RPLP1: variants seen among roughly 807,000 people sequenced by gnomAD.
RPLP1 encodes ribosomal protein lateral stalk subunit P1, also known as large ribosomal subunit protein P1.
A neutral mutation model predicts 11.6 loss-of-function variants in RPLP1; 4 were observed. The ratio of observed to expected loss-of-function variants is 0.34; its 90% CI spans 0.17 to 0.79. The LOEUF (loss-of-function observed/expected upper bound fraction) is 0.79, where lower values mean the gene tolerates loss of function less well. RPLP1 is among the 30% of genes least tolerant of loss of function. RPLP1 has a pLI of 0.55. For missense variants in RPLP1, 133 were observed against 142.8 expected (o/e 0.93, Z 0.35); for synonymous variants, 54 against 52.2 (o/e 1.03, Z -0.15).
chr15:69,453,638 T>G lies in RPLP1; in HGVS notation c.73-9T>G. 1.9e-6 allele frequency: 3 copies of G among 1,613,954 alleles called. No homozygotes were observed. Among genetic ancestry groups the G allele is most frequent in the Non-Finnish European group, 2.5e-6 (3 of 1,179,858 alleles). On this transcript the variant is annotated splice_polypyrimidine_tract_variant and intron_variant, in intron 1 of 3. Transcript: ENST00000260379. The stretch of plus-strand genomic sequence containing the variant: ...CGTTTTGATGGATTGACGTTTTTAT[T>G]TGTTGTAGGAGGATAAGATCAATGC...
At chr15:69,454,948 C>T (rs1305051201) in intron 2 of RPLP1, 2 of 442,890 alleles carry the variant, frequency 4.5e-6, no homozygotes, top group Non-Finnish European at 7.5e-6. Context: ...AATGTATTTG[C>T]ATATAACCTA....
Position 69,455,595 on chromosome 15 carries a change from T to C in RPLP1, c.*88T>C. 1 of 1,019,606 alleles carries C rather than the reference T, an allele frequency of 9.8e-7. No homozygotes were observed. Among genetic ancestry groups the C allele is most frequent in the Non-Finnish European group, 1.4e-6 (1 of 695,280 alleles). 63.2% of individuals were successfully genotyped at this position (1,019,606 alleles called of 1,614,324 possible). A position where few individuals can be genotyped will look rare whatever the true frequency, so the allele number is the denominator to read the frequency against. On this transcript the variant is annotated 3_prime_UTR_variant, in exon 4 of 4. Coordinates refer to ENST00000260379, the MANE Select transcript of RPLP1 (RefSeq NM_001003.3). Reference sequence around the variant, plus strand: ...TTTGGAATGTGCTCTGCAAAAATGGTCTGTTTTGTAATGTTGGCTTTCAGC... The same window carrying C: ...TTTGGAATGTGCTCTGCAAAAATGGCCTGTTTTGTAATGTTGGCTTTCAGC...
At position 69,455,265 on chromosome 15, in the gene RPLP1, C is replaced by T; in HGVS notation, c.243C>T (p.Ala81=). ...AAGAAPAGGP[A]PSTAAAPAEE... ...GTGCTGCACCAGCAGGAGGTCCTGCCCCCTCCACTGCTGCTGCTCCAGGTA... is the reference window on the plus strand; with the variant it reads ...GTGCTGCACCAGCAGGAGGTCCTGCTCCCTCCACTGCTGCTGCTCCAGGTA... The change falls in exon 3 of 4, where the codon GCC becomes GCT. Residue 81 remains alanine, a synonymous_variant. Transcript: ENST00000260379. The T allele has an allele frequency of 3.8e-6, 6 of 1,572,650 alleles. No individual in the cohort carries two copies. The highest frequency in any genetic ancestry group is 1.4e-5 in the African/African-American group (1 of 73,112).
rs1362633813 is a variant in RPLP1, at chr15:69,452,904, A to C, written c.-45A>C. The C allele has an allele frequency of 2.0e-6, 3 of 1,538,290 alleles. No homozygotes were observed. Among genetic ancestry groups the C allele is most frequent in the Non-Finnish European group, 2.6e-6 (3 of 1,138,644 alleles). ...GGTGAGGCCCTCACTTCATCCGGCG[A>C]CTAGCACCGCGTCCGGCAGCGCCAG... On this transcript the variant is annotated 5_prime_UTR_variant, in exon 1 of 4. Coordinates refer to ENST00000260379, the MANE Select transcript of RPLP1 (RefSeq NM_001003.3).
intron 2 of RPLP1, chr15:69,453,931 C>T: frequency 3.5e-6 from 2 of 572,604 alleles, no homozygotes; most frequent in African/African-American, 1.9e-5. Context: ...TTCCCTTTTG[C>T]TCTGAAACCA....
chr15:69,454,015 A>AACC, intron 2 of RPLP1: 1 of 419,650 alleles, frequency 2.4e-6, no homozygotes. Context: ...TACGCATGTT[A>AACC]AGTTGCAAGC....
rs1214722042 is a variant in RPLP1 at position 69,452,966 on chromosome 15, G to A, written c.18G>A (p.Glu6=). The A allele has an allele frequency of 6.3e-7, 1 of 1,580,580 alleles. No homozygotes were observed. The highest frequency in any genetic ancestry group is 8.6e-7 in the Non-Finnish European group (1 of 1,165,540). The part of the protein sequence containing the change: MASVS[E]LACIYSALIL... ...CCCGCGCCATGGCCTCTGTCTCCGA[G>A]CTCGCCTGCATCTACTCGGCCCTCA... is the stretch of plus-strand genomic sequence containing the variant. The change falls in exon 1 of 4, where the codon GAG becomes GAA. Residue 6 remains glutamate, a synonymous_variant. Transcript: ENST00000260379.
intron 3 of RPLP1, 44 bp downstream of exon 3, chr15:69,455,331 T>C: frequency 6.5e-7 from 1 of 1,538,778 alleles, no homozygotes; most frequent in South Asian, 1.3e-5. Context: ...GTGTAGAGAT[T>C]TTTTAAAAAA....
In RPLP1 at chr15:69,453,946, T is replaced by C. The variant is rs899025339; in HGVS notation, c.147+225T>C. 8 of 561,162 alleles carry C rather than the reference T, an allele frequency of 1.4e-5. No individual in the cohort carries two copies. The Admixed American group carries it at 2.6e-4, about 18-fold the overall frequency. 34.8% of individuals were successfully genotyped at this position (561,162 alleles called of 1,614,324 possible). A position where few individuals can be genotyped will look rare whatever the true frequency, so the allele number is the denominator to read the frequency against. On this transcript the variant is annotated intron_variant, in intron 2 of 3. Coordinates refer to ENST00000260379, the MANE Select transcript of RPLP1 (RefSeq NM_001003.3). ...TTCCCTTTTGCTCTGAAACCATGGT[T>C]AAAAAAAATGTGAATCAGGTCATTT...
Position 69,455,707 on chromosome 15 carries a change from C to A in RPLP1, c.*200C>A, listed in dbSNP as rs995197145. 3 of 581,180 alleles carry A rather than the reference C, an allele frequency of 5.2e-6. No individual in the cohort carries two copies. Among genetic ancestry groups the A allele is most frequent in the Non-Finnish European group, 9.1e-6 (3 of 329,486 alleles). The allele number at this position is 581,180 out of a possible 1,614,324, so 36.0% of individuals were successfully genotyped here. ...CAATCCTGATGCTAACAAGAAGGCA[C>A]CTCATGGTACAGTGTTGAAAACTGC... On this transcript the variant is annotated 3_prime_UTR_variant, in exon 4 of 4. Coordinates refer to ENST00000260379, the MANE Select transcript of RPLP1 (RefSeq NM_001003.3).
At chr15:69,453,257 C>T (rs1411301307) in intron 1 of RPLP1, 2 of 585,454 alleles carry the variant, frequency 3.4e-6, no homozygotes, top group Non-Finnish European at 6.0e-6. Flanking sequence ...GCTGGGCGCT[C>T]CGGCTCCAAG....
chr15:69,453,234 G>T, intron 1 of RPLP1: 1 of 594,224 alleles, frequency 1.7e-6, no homozygotes, highest in Non-Finnish European at 3.0e-6. Context: ...AGCGGGCATG[G>T]AGTGCGCTTG....
At chr15:69,453,933 C>A in intron 2 of RPLP1, 1 of 571,112 alleles carries the variant, frequency 1.8e-6, no homozygotes, top group Admixed American at 3.2e-5. Context: ...CCCTTTTGCT[C>A]TGAAACCATG....
intron 2 of RPLP1, 46 bp from the exon 3 acceptor site, chr15:69,455,124 C>T (rs774626083): frequency 2.5e-5 from 38 of 1,514,120 alleles, no homozygotes; most frequent in Non-Finnish European, 3.2e-5. Flanking sequence ...GAGTGCTTAA[C>T]AAGGACAGAA....
At position 69,453,629 on chromosome 15, in the gene RPLP1, C is replaced by T. The variant is rs2140435540; in HGVS notation, c.73-18C>T. On this transcript the variant is annotated intron_variant, in intron 1 of 3. Coordinates refer to ENST00000260379, the MANE Select transcript of RPLP1 (RefSeq NM_001003.3). ...CATACGCTACGTTTTGATGGATTGACGTTTTTATTTGTTGTAGGAGGATAA... is the reference window on the plus strand; with the variant it reads ...CATACGCTACGTTTTGATGGATTGATGTTTTTATTTGTTGTAGGAGGATAA... 1 of 1,613,400 alleles carries T rather than the reference C, an allele frequency of 6.2e-7. No individual in the cohort carries two copies. The highest frequency in any genetic ancestry group is 1.1e-5 in the South Asian group (1 of 91,070).
rs1596038292 is a variant in RPLP1, at chr15:69,455,641, C to T, written c.*134C>T. ...TCAGCCTATTCTGCCATGACACAGG[C>T]TGGATTTTCCCTGCCACCATTGCCG... is the stretch of plus-strand genomic sequence containing the variant. On this transcript the variant is annotated 3_prime_UTR_variant, in exon 4 of 4. Transcript: ENST00000260379. 1.0e-5 allele frequency: 7 copies of T among 666,664 alleles called. No individual in the cohort carries two copies. In the East Asian group the frequency reaches 1.6e-4, roughly 16 times the overall value. 41.3% of individuals were successfully genotyped at this position (666,664 alleles called of 1,614,324 possible). A position where few individuals can be genotyped will look rare whatever the true frequency, so the allele number is the denominator to read the frequency against.
chr15:69,453,732 G>A lies in RPLP1; in HGVS notation c.147+11G>A, dbSNP rs749861106. 1 of 1,614,150 alleles carries A rather than the reference G, an allele frequency of 6.2e-7. No individual in the cohort carries two copies. Among genetic ancestry groups the A allele is most frequent in the South Asian group, 1.1e-5 (1 of 91,090 alleles). On this transcript the variant is annotated intron_variant, in intron 2 of 3. Transcript: ENST00000260379. Reference sequence around the variant, plus strand: ...GGCTTGTTTGCAAAGGTAAGGTGATGGTGGCAAAGTGATTGTGGTAAGGCC... The same window carrying A: ...GGCTTGTTTGCAAAGGTAAGGTGATAGTGGCAAAGTGATTGTGGTAAGGCC...
chr15:69,455,316 G>A, intron 3 of RPLP1, 29 bp downstream of exon 3: 1 of 1,541,778 alleles, frequency 6.5e-7, no homozygotes, highest in Non-Finnish European at 8.7e-7. Flanking sequence ...TTAGTATTGG[G>A]AGGAGTGTAG....
In RPLP1 at chr15:69,453,687, A is replaced by T; in HGVS notation, c.113A>T (p.Asn38Ile). The change falls in exon 2 of 4, where the codon AAT (asparagine) becomes ATT (isoleucine). Residue 38 changes from asparagine (N) to isoleucine (I), a missense_variant. Asn to Ile is a moderately radical substitution (Grantham distance 149, BLOSUM62 -3). Transcript: ENST00000260379. ...GCCCTCATTAAAGCAGCCGGTGTAA[A>T]TGTTGAGCCTTTTTGGCCTGGCTTG... ...INALIKAAGV[N>I]VEPFWPGLFA... 3 of 1,614,134 alleles carry T rather than the reference A, an allele frequency of 1.9e-6. No individual in the cohort carries two copies. Among genetic ancestry groups the T allele is most frequent in the Non-Finnish European group, 2.5e-6 (3 of 1,180,014 alleles).
Sources: gnomAD v4.1 joint callset for allele counts on GRCh38, gnomAD v4.1.1 for gene constraint, MANE v1.5 for transcripts, NCBI Gene and HGNC (gene_info 2026-07-23, HGNC 2026-07-21) for gene names.